Variants in FAM227B observed in about 807,000 individuals in gnomAD.
FAM227B encodes protein FAM227B.
FAM227B carries 88 observed loss-of-function variants against 73.8 expected under a neutral mutation model. The ratio of observed to expected loss-of-function variants is 1.19; its 90% confidence interval spans 1.00 to 1.42. The LOEUF (loss-of-function observed/expected upper bound fraction) is 1.42. Among genes scored for constraint, FAM227B ranks in the 40% most tolerant of loss-of-function variants. The probability of loss-of-function intolerance (pLI) is 0.00; values close to 1 mark genes in which losing one functional copy is unlikely to be tolerated. For synonymous variants in FAM227B, 210 were observed against 190.5 expected (o/e 1.10, Z -0.84); for missense variants, 632 against 590.9 (o/e 1.07, Z -0.72).
intron 11 of FAM227B, among the ~76,000 whole-genome samples, chr15:49,417,851 C>T: frequency 6.6e-6 from 1 of 152,154 alleles, no homozygotes; most frequent in African/African-American, 2.4e-5. Flanking sequence ...AGCTCCTGCA[C>T]AGCAAAGGAA....
At chr15:49,335,834 G>A (rs1045345531) in intron 13 of FAM227B, among the ~76,000 whole-genome samples, 5 of 152,182 alleles carry the variant, frequency 3.3e-5, no homozygotes, top group African/African-American at 1.2e-4. Context: ...TATTAAAAAT[G>A]TACCAAAATT....
intron 3 of FAM227B, among the ~76,000 whole-genome samples, chr15:49,596,481 GAAAAC>G (rs57026759): frequency 0.94 from 142,175 of 150,662 alleles, 67,620 homozygotes; most frequent in South Asian, 1. Context: ...AACAAATCTT[GAAAAC>G]AAAACAAAAC....
intron 5 of FAM227B, among the ~76,000 whole-genome samples, chr15:49,583,185 G>C (rs768230918): frequency 6.7e-6 from 1 of 150,346 alleles, no homozygotes; most frequent in African/African-American, 2.4e-5. Flanking sequence ...ACAAATCCAG[G>C]ACAACTCCCG....
intron 11 of FAM227B, among the ~76,000 whole-genome samples, chr15:49,399,163 G>A (rs1366935204): frequency 6.9e-6 from 1 of 145,650 alleles, no homozygotes; most frequent in East Asian, 2.0e-4. Flanking sequence ...ATGATAAAGG[G>A]GATATCACCA....
intron 10 of FAM227B, among the ~76,000 whole-genome samples, chr15:49,525,531 C>A (rs951983464): frequency 6.6e-5 from 10 of 151,538 alleles, no homozygotes; most frequent in African/African-American, 2.4e-4. Flanking sequence ...GCTGCAAAAT[C>A]GAGCTTCCTA....
rs763885106 is a variant in FAM227B, at chr15:49,541,715, T to C, written c.839A>G (p.Glu280Gly). 6.5e-7 allele frequency: 1 copy of C among 1,532,174 alleles called. No homozygotes were observed. Among genetic ancestry groups the C allele is most frequent in the South Asian group, 1.3e-5 (1 of 74,644 alleles). 94.9% of individuals were successfully genotyped at this position (1,532,174 alleles called of 1,614,324 possible). A position where few individuals can be genotyped will look rare whatever the true frequency, so the allele number is the denominator to read the frequency against. ...SSYLFNDEFK[E>G]DLGNNIFLWC... ...AAGAAAAATGTTATTCCCTAGATCT[T>C]CTTTAAATTCATCATTAAAGAGGTA... The change falls in exon 10 of 16, where the codon GAA becomes GGA. Residue 280 changes from glutamate to glycine, a missense_variant. Coordinates refer to ENST00000299338, the MANE Select transcript of FAM227B (RefSeq NM_152647.3).
At chr15:49,391,130 T>C (rs918644839) in intron 11 of FAM227B, among the ~76,000 whole-genome samples, 2 of 133,104 alleles carry the variant, frequency 1.5e-5, no homozygotes, top group Non-Finnish European at 3.4e-5. Flanking sequence ...ATTATATGAA[T>C]TAAGACATGA....
intron 3 of FAM227B, among the ~76,000 whole-genome samples, chr15:49,591,020 CTTTTTTTTGTTTTTT>C (rs2076499445): frequency 9.4e-6 from 1 of 106,900 alleles, no homozygotes; most frequent in Non-Finnish European, 1.9e-5. Flanking sequence ...TTCTCTTTCT[CTTTTTTTTGTTTTTT>C]TTTTTTTTGA....
chr15:49,541,183 T>C (rs1451676456), intron 10 of FAM227B, among the ~76,000 whole-genome samples: 1 of 152,138 alleles, frequency 6.6e-6, no homozygotes, highest in East Asian at 1.9e-4. Context: ...CTTAAATTTC[T>C]TGATAAATGT....
At chr15:49,328,899 C>CTTAA (rs1264979046) in intron 15 of FAM227B, 6 of 1,249,966 alleles carry the variant, frequency 4.8e-6, no homozygotes, top group African/African-American at 1.5e-5. Context: ...ATCTCCATTA[C>CTTAA]TTAATAGAAA....
At chr15:49,486,889 C>A (rs1335496566) in intron 11 of FAM227B, 1 of 151,790 alleles carries the variant, frequency 6.6e-6, no homozygotes, top group African/African-American at 2.4e-5. Context: ...CTGTAAGGGG[C>A]CTCCATCCCT....
At chr15:49,578,822 G>A (rs2075631759) in intron 5 of FAM227B, among the ~76,000 whole-genome samples, 1 of 152,110 alleles carries the variant, frequency 6.6e-6, no homozygotes, top group Non-Finnish European at 1.5e-5. Context: ...ATTAAAACAG[G>A]AGGCTGCTGT....
chr15:49,455,747 AAAC>A lies in FAM227B; in HGVS notation c.1012+52461_1012+52463del, dbSNP rs2053224158. On this transcript the variant is annotated intron_variant, in intron 11 of 15. Coordinates refer to ENST00000299338, the MANE Select transcript of FAM227B (RefSeq NM_152647.3). Reference sequence around the variant, plus strand: ...GCTATTTTCTTGCTTAAAGTGGAGAAAACAAAACGTGCTCCACTTTGGGTATGG... The same window carrying A: ...GCTATTTTCTTGCTTAAAGTGGAGAAAAAACGTGCTCCACTTTGGGTATGG... 2.0e-5 allele frequency among the ~76,000 whole-genome samples: 3 copies of A among 152,204 alleles called. 1 individual carries two copies. Among genetic ancestry groups the A allele is most frequent in the Admixed American group, 2.0e-4 (3 of 15,266 alleles).
chr15:49,375,631 G>A (rs1002988093), intron 11 of FAM227B, among the ~76,000 whole-genome samples: 14 of 152,044 alleles, frequency 9.2e-5, no homozygotes, highest in Non-Finnish European at 2.1e-4. Context: ...TTTGATCAAA[G>A]GTGCTGGTGA....
chr15:49,602,606 T>G (rs1331052643), intron 3 of FAM227B, among the ~76,000 whole-genome samples: 2 of 152,204 alleles, frequency 1.3e-5, no homozygotes, highest in Non-Finnish European at 2.9e-5. Flanking sequence ...GTCTCTTCAC[T>G]TTACTGGTGG....
chr15:49,340,432 C>G, intron 13 of FAM227B, among the ~76,000 whole-genome samples: 1 of 126,260 alleles, frequency 7.9e-6, no homozygotes, highest in Admixed American at 7.9e-5. Context: ...CGCTTTGCCT[C>G]GCCCTCCTTG....
intron 10 of FAM227B, among the ~76,000 whole-genome samples, chr15:49,527,397 A>T (rs770674117): frequency 6.6e-6 from 1 of 152,044 alleles, no homozygotes; most frequent in African/African-American, 2.4e-5. Flanking sequence ...ACACACAGCC[A>T]ACATCATACT....
At chr15:49,575,561 T>C (rs1449855100) in intron 7 of FAM227B, among the ~76,000 whole-genome samples, 4 of 152,180 alleles carry the variant, frequency 2.6e-5, no homozygotes, top group East Asian at 1.9e-4. Context: ...AAATCAAATA[T>C]AGTTTTTAGA....
chr15:49,422,118 C>CAGAGAGAGAGAGAGAGAG lies in FAM227B; in HGVS notation c.1013-50720_1013-50719insCTCTCTCTCTCTCTCTCT, dbSNP rs1432810961. On this transcript the variant is annotated intron_variant, in intron 11 of 15. Transcript: ENST00000299338. ...CCTGGTGGTAAAGTAGTGCATTTCACATAGAGAGAGAGAGAGAGAGAGAGA... is the reference window on the plus strand; with the variant it reads ...CCTGGTGGTAAAGTAGTGCATTTCACAGAGAGAGAGAGAGAGAGATAGAGAGAGAGAGAGAGAGAGAGA... Among the ~76,000 whole-genome samples the CAGAGAGAGAGAGAGAGAG allele has an allele frequency of 2.0e-3, 155 of 79,090 alleles. 1 individual carries two copies. Among genetic ancestry groups the CAGAGAGAGAGAGAGAGAG allele is most frequent in the East Asian group, 0.019 (66 of 3,450 alleles). 51.9% of individuals were successfully genotyped at this position (79,090 alleles called of 152,430 possible).
Sources: gnomAD v4.1 joint callset for allele counts (sites outside exome capture counted in the v4.1 genomes callset) on GRCh38, gnomAD v4.1.1 for gene constraint, MANE v1.5 for transcripts, NCBI Gene and HGNC (gene_info 2026-07-23, HGNC 2026-07-21) for gene names.